PPP3CC: variants seen among roughly 807,000 people sequenced by gnomAD.
The protein encoded by PPP3CC is protein phosphatase 3 catalytic subunit gamma, also known as serine/threonine-protein phosphatase 2B catalytic subunit gamma isoform.
PPP3CC carries 35 observed loss-of-function variants against 60.3 expected under a neutral mutation model. The observed-to-expected ratio is 0.58, with a 90% CI of 0.44 to 0.77. PPP3CC has a LOEUF of 0.77. Ranked by LOEUF, PPP3CC falls within the 30% of genes least tolerant of loss-of-function variation. PPP3CC has a pLI of 0.00. For synonymous variants in PPP3CC, 206 were observed against 224.3 expected, an observed-to-expected ratio of 0.92 and a Z score of 0.73; for missense variants, 570 against 628.9, an observed-to-expected ratio of 0.91 and a Z score of 1.00.
At chr8:22,490,895 A>C (rs1260699556) in intron 3 of PPP3CC, among the ~76,000 whole-genome samples, 2 of 152,140 alleles carry the variant, frequency 1.3e-5, no homozygotes, top group Non-Finnish European at 2.9e-5. Flanking sequence ...GCTATTGCGA[A>C]TAGTGCCGCA....
At chr8:22,503,608 A>G (rs1838825966) in intron 4 of PPP3CC, among the ~76,000 whole-genome samples, 1 of 152,146 alleles carries the variant, frequency 6.6e-6, no homozygotes, top group Non-Finnish European at 1.5e-5. Flanking sequence ...CAGGGATGCA[A>G]TGTGTAATAA....
At chr8:22,516,919 A>G (rs191702797) in intron 6 of PPP3CC, among the ~76,000 whole-genome samples, 4 of 152,324 alleles carry the variant, frequency 2.6e-5, no homozygotes, top group African/African-American at 9.6e-5. Flanking sequence ...CATGAGTTCA[A>G]TGTTAATGAA....
At chr8:22,528,024 G>A (rs954614848) in intron 9 of PPP3CC, among the ~76,000 whole-genome samples, 1 of 152,154 alleles carries the variant, frequency 6.6e-6, no homozygotes, top group Non-Finnish European at 1.5e-5. Context: ...TAAAGTAGCT[G>A]ACCTACTATG....
rs114069368 is a variant in PPP3CC, at chr8:22,512,340, G to C, written c.631-953G>C. On this transcript the variant is annotated intron_variant, in intron 5 of 13. Coordinates refer to ENST00000240139, the MANE Select transcript of PPP3CC (RefSeq NM_005605.5). ...TGAATTTTATAATTCTGAATCAATT[G>C]TATCAATAAAAAGCTCTTTCACGCA... Among the ~76,000 whole-genome samples the C allele has an allele frequency of 8.6e-3, 1,303 of 152,162 alleles. 25 individuals carry two copies. Among genetic ancestry groups the C allele is most frequent in the African/African-American group, 0.03 (1,242 of 41,516 alleles).
chr8:22,512,590 A>G (rs1839119097), intron 5 of PPP3CC, among the ~76,000 whole-genome samples: 1 of 152,236 alleles, frequency 6.6e-6, no homozygotes, highest in Non-Finnish European at 1.5e-5. Flanking sequence ...ACCATTGTAA[A>G]ACATTTCTGC....
chr8:22,467,794 C>G (rs567017951), intron 1 of PPP3CC, among the ~76,000 whole-genome samples: 1 of 152,156 alleles, frequency 6.6e-6, no homozygotes, highest in African/African-American at 2.4e-5. Flanking sequence ...TTATTTCTTA[C>G]AGTCCTAGAG....
chr8:22,482,538 A>G (rs548075840), intron 3 of PPP3CC, among the ~76,000 whole-genome samples: 1 of 152,310 alleles, frequency 6.6e-6, no homozygotes, highest in Admixed American at 6.5e-5. Context: ...CTTTAGCTTA[A>G]TTAGATTCCA....
chr8:22,483,950 C>T (rs2132483673), intron 3 of PPP3CC, among the ~76,000 whole-genome samples: 1 of 152,228 alleles, frequency 6.6e-6, no homozygotes, highest in South Asian at 2.1e-4. Context: ...AAGCAGTCCT[C>T]CTGCCTCAGC....
chr8:22,444,926 A>G (rs2098882205), intron 1 of PPP3CC, among the ~76,000 whole-genome samples: 1 of 152,186 alleles, frequency 6.6e-6, no homozygotes, highest in Non-Finnish European at 1.5e-5. Context: ...ATTTTTATAA[A>G]AGCAGTTTAT....
intron 3 of PPP3CC, among the ~76,000 whole-genome samples, chr8:22,482,040 G>C (rs1343584566): frequency 6.6e-6 from 1 of 152,166 alleles, no homozygotes; most frequent in African/African-American, 2.4e-5. Context: ...AATCCTTTGA[G>C]TATATACGCG....
In PPP3CC at chr8:22,443,391, G is replaced by A. The variant is rs1483537081; in HGVS notation, c.49+1933G>A. Among the ~76,000 whole-genome samples the A allele has an allele frequency of 4.0e-5, 6 of 151,796 alleles. No individual in the cohort carries two copies. The East Asian group carries it at 9.7e-4, about 24-fold the overall frequency. On this transcript the variant is annotated intron_variant, in intron 1 of 13. Coordinates refer to ENST00000240139, the MANE Select transcript of PPP3CC (RefSeq NM_005605.5). ...ACAAAAATTAGCTGGGCATGGTGGC[G>A]GGCACTGTAATCCCAGCTACTTGGG...
In PPP3CC at chr8:22,442,309, G is replaced by T. The variant is rs553556306; in HGVS notation, c.49+851G>T. Among the ~76,000 whole-genome samples the T allele has an allele frequency of 3.3e-5, 5 of 152,318 alleles. No homozygotes were observed. The East Asian group carries it at 7.7e-4, about 23-fold the overall frequency. On this transcript the variant is annotated intron_variant, in intron 1 of 13. Transcript: ENST00000240139. ...AGCGCTATTTTGTAAGAAGGGAATAGACTTAGACCAGCTGTGTTAGTGGCC... is the reference window on the plus strand; with the variant it reads ...AGCGCTATTTTGTAAGAAGGGAATATACTTAGACCAGCTGTGTTAGTGGCC...
chr8:22,497,912 C>A, intron 3 of PPP3CC, 89 bp from the exon 4 acceptor site: 1 of 781,616 alleles, frequency 1.3e-6, no homozygotes, highest in Non-Finnish European at 2.0e-6. Context: ...TGAGATATGC[C>A]ATTACAGCAA....
intron 13 of PPP3CC, 66 bp from the exon 14 acceptor site, chr8:22,540,549 T>C (rs1282388389): frequency 2.0e-6 from 3 of 1,499,550 alleles, no homozygotes; most frequent in African/African-American, 1.4e-5. Flanking sequence ...GCTAAGAAAC[T>C]TTTTTTAAGC....
chr8:22,450,052 G>A (rs1836963493), intron 1 of PPP3CC, among the ~76,000 whole-genome samples: 1 of 151,792 alleles, frequency 6.6e-6, no homozygotes, highest in Admixed American at 6.6e-5. Flanking sequence ...TGTATTTTTA[G>A]TAGAGAAGGG....
intron 3 of PPP3CC, among the ~76,000 whole-genome samples, chr8:22,492,125 G>T (rs994831718): frequency 6.6e-6 from 1 of 152,066 alleles, no homozygotes; most frequent in Admixed American, 6.6e-5. Flanking sequence ...GGTATAGCCT[G>T]TTGCTCCCAG....
At chr8:22,482,148 C>T (rs1838088408) in intron 3 of PPP3CC, among the ~76,000 whole-genome samples, 1 of 152,184 alleles carries the variant, frequency 6.6e-6, no homozygotes. Context: ...ACACTCCCAC[C>T]AACAGTGTAA....
chr8:22,529,420 A>G (rs1839642958), intron 10 of PPP3CC, among the ~76,000 whole-genome samples: 1 of 152,162 alleles, frequency 6.6e-6, no homozygotes, highest in Non-Finnish European at 1.5e-5. Flanking sequence ...TATGAGACTA[A>G]TGGACAATTT....
chr8:22,444,127 A>G (rs1471631506), intron 1 of PPP3CC, among the ~76,000 whole-genome samples: 1 of 152,064 alleles, frequency 6.6e-6, no homozygotes, highest in Non-Finnish European at 1.5e-5. Flanking sequence ...GTGGTGGCTC[A>G]CACCTGTAAT....
Sources: gnomAD v4.1 joint callset for allele counts (sites outside exome capture counted in the v4.1 genomes callset) on GRCh38, gnomAD v4.1.1 for gene constraint, MANE v1.5 for transcripts, NCBI Gene and HGNC (gene_info 2026-07-23, HGNC 2026-07-21) for gene names.